Variants in CDK12 observed in about 807,000 individuals in gnomAD.
CDK12 encodes the protein cyclin dependent kinase 12.
CDK12 carries 17 observed loss-of-function variants against 133.8 expected under a neutral mutation model. The ratio of observed to expected loss-of-function variants is 0.13; its 90% CI spans 0.09 to 0.19. CDK12 has a LOEUF of 0.19. CDK12 is among the 10% of genes least tolerant of loss of function. CDK12 has a pLI of 1.00. For missense variants in CDK12, 1,508 were observed against 1,818.7 expected (o/e 0.83, Z 3.11); for synonymous variants, 694 against 683.6 (o/e 1.02, Z -0.24).
At chr17:39,528,494 G>A (rs530760554) in intron 13 of CDK12, among the ~76,000 whole-genome samples, 3 of 151,304 alleles carry the variant, frequency 2.0e-5, no homozygotes, top group African/African-American at 7.3e-5. Flanking sequence ...CACCAGGCCC[G>A]GCTAATTTTT....
rs2049060997 is a variant in CDK12 at position 39,463,064 on chromosome 17, G to A, written c.993G>A (p.Arg331=). 1 of 1,614,218 alleles carries A rather than the reference G, an allele frequency of 6.2e-7. No homozygotes were observed. The highest frequency in any genetic ancestry group is 2.2e-5 in the East Asian group (1 of 44,888). Residue 331 remains arginine (R), a synonymous_variant, in exon 1 of 14, where the codon CGG becomes CGA. Coordinates refer to ENST00000447079, the MANE Select transcript of CDK12 (RefSeq NM_016507.4). ...CGCCCAGTCCCTATGGTCGAAGGCG[G>A]TCCAGCAGCCCTTTCCTGAGCAAGC... ...GRSPSPYGRR[R]SSSPFLSKRS...
rs1326035747 is a variant in CDK12, at chr17:39,531,578, A to T, written c.*262A>T. 2.7e-6 allele frequency: 1 copy of T among 374,668 alleles called. No individual in the cohort carries two copies. Among genetic ancestry groups the T allele is most frequent in the East Asian group, 3.9e-5 (1 of 25,880 alleles). 23.2% of individuals were successfully genotyped at this position (374,668 alleles called of 1,614,324 possible). A position where few individuals can be genotyped will look rare whatever the true frequency, so the allele number is the denominator to read the frequency against. On this transcript the variant is annotated 3_prime_UTR_variant, in exon 14 of 14. Coordinates refer to ENST00000447079, the MANE Select transcript of CDK12 (RefSeq NM_016507.4). Reference sequence around the variant, plus strand: ...TAGTAGATACAAGTAGAGAATATGGAGAGGATCATTACATTGAAAAGTAAA... The same window carrying T: ...TAGTAGATACAAGTAGAGAATATGGTGAGGATCATTACATTGAAAAGTAAA...
rs2049014781 is a variant in CDK12, at chr17:39,462,323, C to T, written c.252C>T (p.Ser84=). 4 of 1,614,164 alleles carry T rather than the reference C, an allele frequency of 2.5e-6. No homozygotes were observed. In the East Asian group the frequency reaches 8.9e-5, roughly 36 times the overall value. ...TCAGCTCTGATTCCGACACCTTCTC[C>T]GATGACATGGCCTTCAAACTAGACC... The part of the protein sequence containing the change: ...DDISSDSDTF[S]DDMAFKLDRR... The change falls in exon 1 of 14, where the codon TCC becomes TCT. Residue 84 remains serine (S), a synonymous_variant. Coordinates refer to ENST00000447079, the MANE Select transcript of CDK12 (RefSeq NM_016507.4).
At chr17:39,562,059 C>T in intron 3 of CDK12, among the ~76,000 whole-genome samples, 1 of 152,212 alleles carries the variant, frequency 6.6e-6, no homozygotes, top group East Asian at 1.9e-4. Context: ...CCTGCCCCAG[C>T]CTCCCAAGTA....
chr17:39,511,472 A>G (rs991064604), intron 7 of CDK12, 57 bp from the exon 8 acceptor site: 4 of 1,110,564 alleles, frequency 3.6e-6, no homozygotes, highest in African/African-American at 3.1e-5. Flanking sequence ...AGTTATGTGA[A>G]TATTTTTCAT....
At chr17:39,511,209 C>G (rs1285433524) in intron 7 of CDK12, among the ~76,000 whole-genome samples, 1 of 89,490 alleles carries the variant, frequency 1.1e-5, no homozygotes, top group Non-Finnish European at 2.3e-5. Context: ...AGCAAGACAC[C>G]GTCTCAAAAA....
rs992496931 is a variant in CDK12 at position 39,467,842 on chromosome 17, G to A, written c.1047-3037G>A. On this transcript the variant is annotated intron_variant, in intron 1 of 13. Coordinates refer to ENST00000447079, the MANE Select transcript of CDK12 (RefSeq NM_016507.4). ...ACCTTTCAGTATTTTATATTCTCAT[G>A]TTCATGTTTGCGTTGTTGTTTTTTA... is the stretch of plus-strand genomic sequence containing the variant. 4.6e-5 allele frequency among the ~76,000 whole-genome samples: 7 copies of A among 151,714 alleles called. 1 individual carries two copies. The highest frequency in any genetic ancestry group is 3.9e-4 in the Admixed American group (6 of 15,196).
chr17:39,524,950 T>C, intron 12 of CDK12, 65 bp downstream of exon 12: 1 of 1,394,990 alleles, frequency 7.2e-7, no homozygotes, highest in Non-Finnish European at 9.9e-7. Context: ...GAAGGTCAAG[T>C]GTAAGGAGTT....
At chr17:39,511,032 G>A (rs1159110104) in intron 7 of CDK12, among the ~76,000 whole-genome samples, 2 of 147,444 alleles carry the variant, frequency 1.4e-5, no homozygotes, top group Non-Finnish European at 3.0e-5. Context: ...TGGCTAACAC[G>A]GTGAAACTCT....
chr17:39,496,580 A>G (rs1181945519), intron 5 of CDK12, among the ~76,000 whole-genome samples: 1 of 152,000 alleles, frequency 6.6e-6, no homozygotes, highest in African/African-American at 2.4e-5. Flanking sequence ...AGCGCCTGTA[A>G]TCTTCAGCTA....
chr17:39,565,743 TA>T (rs752812514), downstream of CDK12, among the ~76,000 whole-genome samples: 2 of 152,210 alleles, frequency 1.3e-5, no homozygotes, highest in Non-Finnish European at 2.9e-5. Flanking sequence ...TTCCCTCTCA[TA>T]TTTCTATCTG....
chr17:39,528,944 T>A (rs2054655234), intron 13 of CDK12, among the ~76,000 whole-genome samples: 1 of 152,228 alleles, frequency 6.6e-6, no homozygotes, highest in South Asian at 2.1e-4. Flanking sequence ...CTGAAATCTA[T>A]CATTACTTGT....
In CDK12 at chr17:39,476,711, CTTT is replaced by C. The variant is rs879840168; in HGVS notation, c.1931+4975_1931+4977del. Reference sequence around the variant, plus strand: ...TACAGGCATGAGCCACCATGCCTGCCTTTTTTTTTTTTTTTTTTTTTTTTTTTT... The same window carrying C: ...TACAGGCATGAGCCACCATGCCTGCCTTTTTTTTTTTTTTTTTTTTTTTTT... On this transcript the variant is annotated intron_variant, in intron 2 of 13. Coordinates refer to ENST00000447079, the MANE Select transcript of CDK12 (RefSeq NM_016507.4). Among the ~76,000 whole-genome samples, 56 of 84,510 alleles carry C rather than the reference CTTT, an allele frequency of 6.6e-4. 3 individuals carry two copies. The highest frequency in any genetic ancestry group is 2.1e-3 in the South Asian group (6 of 2,808). The allele number at this position is 84,510 out of a possible 152,430, so 55.4% of individuals were successfully genotyped here.
intron 11 of CDK12, among the ~76,000 whole-genome samples, chr17:39,524,274 G>A (rs560211330): frequency 4.6e-5 from 7 of 152,166 alleles, no homozygotes; most frequent in Admixed American, 2.0e-4. Flanking sequence ...TTAAGTCACC[G>A]CCTTTCCTCG....
chr17:39,466,692 T>G (rs1399329796), intron 1 of CDK12, among the ~76,000 whole-genome samples: 2 of 90,344 alleles, frequency 2.2e-5, no homozygotes, highest in East Asian at 7.9e-4. Context: ...TAGTCAGTAA[T>G]GGTAAAAATA....
chr17:39,481,653 T>G lies in CDK12; in HGVS notation c.1932-8904T>G, dbSNP rs2050686759. The stretch of plus-strand genomic sequence containing the variant: ...CGCGCGCTCTCTCTCTCTCTCTCTC[T>G]CTCTCTCTCTCTCTCTCTCTCTCTC... On this transcript the variant is annotated intron_variant, in intron 2 of 13. Transcript: ENST00000447079. Among the ~76,000 whole-genome samples the G allele has an allele frequency of 6.1e-3, 82 of 13,548 alleles. 11 individuals carry two copies. The highest frequency in any genetic ancestry group is 0.012 in the Admixed American group (17 of 1,464). 8.9% of individuals were successfully genotyped at this position (13,548 alleles called of 152,430 possible).
In CDK12 at chr17:39,525,973, C is replaced by A; in HGVS notation, c.3417C>A (p.Asn1139Lys). 1 of 1,614,182 alleles carries A rather than the reference C, an allele frequency of 6.2e-7. No homozygotes were observed. Among genetic ancestry groups the A allele is most frequent in the Non-Finnish European group, 8.5e-7 (1 of 1,180,036 alleles). The change falls in exon 13 of 14, where the codon AAC becomes AAA. Residue 1139 changes from asparagine (N) to lysine (K), a missense_variant. Transcript: ENST00000447079. ...LSIPQMAQLL[N>K]IHSNPEMQQQ... ...TCCCTCAAATGGCACAGCTGCTTAA[C>A]ATCCACTCCAACCCAGAGATGCAGC...
intron 2 of CDK12, among the ~76,000 whole-genome samples, chr17:39,554,602 C>T (rs142587544): frequency 9.9e-5 from 15 of 152,218 alleles, no homozygotes; most frequent in Non-Finnish European, 1.6e-4. Flanking sequence ...CTAGGATAGC[C>T]GGGCACGGCA....
In CDK12 at chr17:39,494,690, C is replaced by A; in HGVS notation, c.2415C>A (p.Asp805Glu). The change falls in exon 5 of 14, where the codon GAC becomes GAA. Residue 805 changes from aspartate to glutamate, a missense_variant. Transcript: ENST00000447079. ...AAGATGCACTGGATTTCAAGAAGGA[C>A]AAAGGTACTAGCAAAGAATCACATT... ...DKQDALDFKK[D>E]KGAFYLVFEY... The A allele has an allele frequency of 6.4e-7, 1 of 1,559,954 alleles. No individual in the cohort carries two copies. Among genetic ancestry groups the A allele is most frequent in the Non-Finnish European group, 8.7e-7 (1 of 1,151,302 alleles).
Sources: allele counts gnomAD v4.1 joint callset (sites outside exome capture counted in the v4.1 genomes callset), GRCh38; gene constraint gnomAD v4.1.1; transcripts MANE v1.5; gene names NCBI Gene and HGNC (gene_info 2026-07-23, HGNC 2026-07-21).